The following C7orf78 variants were observed in gnomAD, a reference collection of about 807,000 sequenced individuals.
C7orf78 encodes putative uncharacterized protein C7orf78.
the C7orf78 span, among the ~76,000 whole-genome samples, chr7:12,493,955 A>G: frequency 3.7e-4 from 56 of 152,346 alleles, no homozygotes; most frequent in African/African-American, 1.3e-3. Context: ...GAAATTCTAC[A>G]TTAGTACTTG....
At chr7:12,514,280 T>A in the C7orf78 span, among the ~76,000 whole-genome samples, 5 of 152,272 alleles carry the variant, frequency 3.3e-5, no homozygotes, top group South Asian at 1.0e-3. Flanking sequence ...GCTGAACTAA[T>A]TCCCCTTTAC....
chr7:12,536,367 C>T, the C7orf78 span, among the ~76,000 whole-genome samples: 1 of 152,174 alleles, frequency 6.6e-6, no homozygotes, highest in Non-Finnish European at 1.5e-5. Flanking sequence ...TTGGCCTCTT[C>T]CAGCCATGGC....
At chr7:12,523,453 T>C in the C7orf78 span, 1 of 397,982 alleles carries the variant, frequency 2.5e-6, no homozygotes, top group Middle Eastern at 6.3e-4. Flanking sequence ...GAATAAAAAC[T>C]ATTTAAGATA....
At chr7:12,501,024 TCAA>T in the C7orf78 span, among the ~76,000 whole-genome samples, 1 of 151,572 alleles carries the variant, frequency 6.6e-6, no homozygotes, top group Non-Finnish European at 1.5e-5. Flanking sequence ...TTGACAAAAT[TCAA>T]CAACACTTCA....
At chr7:12,536,516 T>C in the C7orf78 span, among the ~76,000 whole-genome samples, 2 of 152,156 alleles carry the variant, frequency 1.3e-5, no homozygotes, top group Non-Finnish European at 2.9e-5. Context: ...TTCTCAGACA[T>C]GCCGTGGAGA....
At chr7:12,488,846 TTG>T in the C7orf78 span, among the ~76,000 whole-genome samples, 1 of 151,978 alleles carries the variant, frequency 6.6e-6, no homozygotes, top group Non-Finnish European at 1.5e-5. Flanking sequence ...GAAATGTTTC[TTG>T]TAAAGTATTA....
chr7:12,495,822 G>A, the C7orf78 span, among the ~76,000 whole-genome samples: 2 of 151,986 alleles, frequency 1.3e-5, no homozygotes, highest in Non-Finnish European at 2.9e-5. Context: ...ACTTAAAAGC[G>A]TTCATGTTCC....
chr7:12,540,993 G>T, the C7orf78 span: 3 of 152,174 alleles, frequency 2.0e-5, no homozygotes, highest in African/African-American at 7.2e-5. Context: ...GCATTTCCCA[G>T]TGAGAACATT....
the C7orf78 span, among the ~76,000 whole-genome samples, chr7:12,540,466 A>G: frequency 6.6e-6 from 1 of 152,122 alleles, no homozygotes; most frequent in Admixed American, 6.6e-5. Flanking sequence ...ACCTCACTCA[A>G]TTGTCTTCAG....
At chr7:12,525,938 A>T in the C7orf78 span, 1 of 396,386 alleles carries the variant, frequency 2.5e-6, no homozygotes, top group Non-Finnish European at 4.5e-6. Flanking sequence ...TATTGGAAAA[A>T]AAACTCTGCA....
the C7orf78 span, among the ~76,000 whole-genome samples, chr7:12,486,627 A>T: frequency 3.3e-5 from 5 of 151,970 alleles, no homozygotes; most frequent in Non-Finnish European, 7.4e-5. Flanking sequence ...AACTATTTTG[A>T]TGGAGCAAAG....
the C7orf78 span, among the ~76,000 whole-genome samples, chr7:12,526,875 T>C: frequency 6.6e-6 from 1 of 152,098 alleles, no homozygotes; most frequent in Non-Finnish European, 1.5e-5. Context: ...TCCTAGTATA[T>C]GCTATGTGTC....
the C7orf78 span, chr7:12,529,048 A>G: frequency 2.5e-6 from 1 of 398,346 alleles, no homozygotes. Flanking sequence ...ATATACAGTG[A>G]GTTTGACTTT....
the C7orf78 span, among the ~76,000 whole-genome samples, chr7:12,513,296 C>T: frequency 5.7e-4 from 85 of 150,064 alleles, 1 homozygote; most frequent in African/African-American, 2.0e-3. Context: ...TCTAGTTCTT[C>T]CAGGTACAGC....
the C7orf78 span, chr7:12,507,153 A>AAG: frequency 0.012 from 2,747 of 232,958 alleles, 88 homozygotes; most frequent in African/African-American, 0.062. Flanking sequence ...ACAAAAAAAA[A>AAG]AAAAAAAGCT....
the C7orf78 span, among the ~76,000 whole-genome samples, chr7:12,526,958 A>G: frequency 0.23 from 17,597 of 77,304 alleles, 284 homozygotes; most frequent in Admixed American, 0.27. Flanking sequence ...AGTATATGCT[A>G]TGTGTCACTC....
the C7orf78 span, among the ~76,000 whole-genome samples, chr7:12,500,254 A>G: frequency 1.3e-5 from 2 of 152,072 alleles, no homozygotes; most frequent in South Asian, 4.1e-4. Flanking sequence ...GGAAATAGAG[A>G]CACAAGAAAC....
chr7:12,507,135 CT>C, the C7orf78 span: 1 of 150,928 alleles, frequency 6.6e-6, no homozygotes, highest in Non-Finnish European at 1.3e-5. Context: ...CCTGTCTCTA[CT>C]AAAAATACAA....
the C7orf78 span, among the ~76,000 whole-genome samples, chr7:12,512,054 C>T: frequency 1.0e-4 from 15 of 150,372 alleles, no homozygotes; most frequent in African/African-American, 3.7e-4. Context: ...GGATTACAGG[C>T]GTGAGCCACC....
Sources: gnomAD v4.1 joint callset for allele counts (sites outside exome capture counted in the v4.1 genomes callset) on GRCh38, gnomAD v4.1.1 for gene constraint, MANE v1.5 for transcripts, NCBI Gene and HGNC (gene_info 2026-07-23, HGNC 2026-07-21) for gene names.